The following GFRA2 variants were observed in gnomAD, a reference collection of about 807,000 sequenced individuals.
GFRA2 encodes GDNF family receptor alpha 2.
GFRA2 carries 17 observed loss-of-function variants against 48.3 expected under a neutral mutation model. The observed-to-expected ratio is 0.35, with a 90% confidence interval of 0.24 to 0.53. The LOEUF (loss-of-function observed/expected upper bound fraction) is 0.53, where lower values mean the gene tolerates loss of function less well. Ranked by LOEUF, GFRA2 falls within the 20% of genes least tolerant of loss-of-function variation. The probability of loss-of-function intolerance (pLI) is 0.93; values close to 1 mark genes in which losing one functional copy is unlikely to be tolerated. For synonymous variants in GFRA2, 305 were observed against 257.2 expected (o/e 1.19, Z -1.78); for missense variants, 660 against 637.3 (o/e 1.04, Z -0.38).
At chr8:21,748,674 T>A (rs1206309753) in intron 4 of GFRA2, among the ~76,000 whole-genome samples, 1 of 152,212 alleles carries the variant, frequency 6.6e-6, no homozygotes, top group African/African-American at 2.4e-5. Context: ...TGTTTCCTCA[T>A]TGACAGATAA....
rs1463865552 is a variant in GFRA2 at position 21,782,314 on chromosome 8, G to A, written c.355+271C>T. On this transcript the variant is annotated intron_variant, in intron 2 of 8. Coordinates refer to ENST00000524240, the MANE Select transcript of GFRA2 (RefSeq NM_001495.5). ...CCCCACTCACCCCCCTTCCTCCAGC[G>A]CCTGTTCTCCTCCTCCCACCACCTC... Among the ~76,000 whole-genome samples the A allele has an allele frequency of 2.0e-4, 20 of 102,060 alleles. No individual in the cohort carries two copies. The South Asian group carries it at 3.3e-3, about 17-fold the overall frequency. The allele number at this position is 102,060 out of a possible 152,430, so 67.0% of individuals were successfully genotyped here.
chr8:21,741,885 G>A (rs1001544449), intron 4 of GFRA2, among the ~76,000 whole-genome samples: 4 of 148,434 alleles, frequency 2.7e-5, no homozygotes, highest in African/African-American at 1.0e-4. Flanking sequence ...TCATGCCACT[G>A]CACCCAGCCT....
chr8:21,703,006 G>C, intron 6 of GFRA2, 29 bp from the exon 7 acceptor site: 1 of 1,447,536 alleles, frequency 6.9e-7, no homozygotes, highest in Non-Finnish European at 9.2e-7. Context: ...CAGATGCAGA[G>C]AAGTCAGAAC....
intron 4 of GFRA2, among the ~76,000 whole-genome samples, chr8:21,725,841 A>G (rs1021553595): frequency 1.3e-5 from 2 of 152,206 alleles, no homozygotes; most frequent in Non-Finnish European, 2.9e-5. Flanking sequence ...CTGCTGTTCC[A>G]ACATGCATCC....
upstream of GFRA2, among the ~76,000 whole-genome samples, chr8:21,792,164 T>C (rs1243580809): frequency 1.2e-4 from 18 of 152,208 alleles, no homozygotes; most frequent in Non-Finnish European, 2.4e-4. Flanking sequence ...GTGGGTTCTC[T>C]GGATAGCAGG....
chr8:21,805,723 T>C (rs989506498), intron 1 of GFRA2, among the ~76,000 whole-genome samples: 6 of 152,208 alleles, frequency 3.9e-5, no homozygotes, highest in Non-Finnish European at 4.4e-5. Flanking sequence ...AAACTGCAGC[T>C]GCCACTCCAA....
chr8:21,698,493 G>C (rs1341715362), intron 7 of GFRA2, among the ~76,000 whole-genome samples: 1 of 152,116 alleles, frequency 6.6e-6, no homozygotes, highest in Non-Finnish European at 1.5e-5. Context: ...AGCCTCGCTG[G>C]TCTGGCCCAG....
intron 4 of GFRA2, among the ~76,000 whole-genome samples, chr8:21,727,806 C>T (rs62492250): frequency 0.12 from 18,218 of 152,258 alleles, 1,127 homozygotes; most frequent in South Asian, 0.18. Flanking sequence ...TGTCCAGGGA[C>T]TGTCTGGATT....
intron 3 of GFRA2, among the ~76,000 whole-genome samples, chr8:21,767,883 C>T (rs1416311016): frequency 1.3e-5 from 2 of 152,236 alleles, no homozygotes; most frequent in African/African-American, 4.8e-5. Flanking sequence ...GATGAAGTCA[C>T]CAACACCCTG....
intron 3 of GFRA2, 83 bp downstream of exon 3, chr8:21,774,889 T>C: frequency 5.3e-6 from 4 of 760,178 alleles, no homozygotes; most frequent in East Asian, 2.5e-5. Flanking sequence ...GACGCCAGGA[T>C]GCCTGTCCAA....
intron 3 of GFRA2, among the ~76,000 whole-genome samples, chr8:21,752,195 C>T (rs922397169): frequency 3.3e-5 from 5 of 152,220 alleles, no homozygotes; most frequent in South Asian, 2.1e-4. Context: ...AAGACCTCCT[C>T]GTGACCACAC....
At chr8:21,767,820 C>T (rs1397139590) in intron 3 of GFRA2, among the ~76,000 whole-genome samples, 4 of 152,218 alleles carry the variant, frequency 2.6e-5, no homozygotes, top group Non-Finnish European at 5.9e-5. Context: ...AAATTTTGTT[C>T]CCTCCTCGTC....
intron 4 of GFRA2, among the ~76,000 whole-genome samples, chr8:21,725,022 C>G (rs1157258134): frequency 1.3e-5 from 2 of 152,218 alleles, no homozygotes; most frequent in African/African-American, 4.8e-5. Context: ...CTCCTACTCA[C>G]CTCACACTGC....
chr8:21,788,825 C>G lies in GFRA2; in HGVS notation c.-666G>C. The G allele has an allele frequency of 1.0e-6, 1 of 981,832 alleles. No homozygotes were observed. Among genetic ancestry groups the G allele is most frequent in the Non-Finnish European group, 1.2e-6 (1 of 826,618 alleles). 60.8% of individuals were successfully genotyped at this position (981,832 alleles called of 1,614,324 possible). A position where few individuals can be genotyped will look rare whatever the true frequency, so the allele number is the denominator to read the frequency against. ...GCGTGTGTCTTTCTCTCTCCTCTCTCTCTCTCTCCTCTCCCTCGCTCGCTC... is the reference window on the plus strand; with the variant it reads ...GCGTGTGTCTTTCTCTCTCCTCTCTGTCTCTCTCCTCTCCCTCGCTCGCTC... On this transcript the variant is annotated 5_prime_UTR_variant, in exon 1 of 9. Transcript: ENST00000524240.
chr8:21,784,257 CT>C (rs1807157770), intron 1 of GFRA2: 1 of 455,778 alleles, frequency 2.2e-6, no homozygotes. Context: ...CCCAGTCCCC[CT>C]GTCCTCTGAT....
intron 3 of GFRA2, among the ~76,000 whole-genome samples, chr8:21,754,505 C>CTTTTTTTTTTTTT (rs59344047): frequency 7.4e-5 from 9 of 121,222 alleles, no homozygotes; most frequent in East Asian, 2.5e-4. Flanking sequence ...CTTTTTTTTT[C>CTTTTTTTTTTTTT]TTTTTTTTTT....
intron 4 of GFRA2, among the ~76,000 whole-genome samples, chr8:21,733,897 C>G (rs750705852): frequency 6.6e-6 from 1 of 152,070 alleles, no homozygotes; most frequent in African/African-American, 2.4e-5. Flanking sequence ...CCCCAGGCTC[C>G]GACAAAAGAA....
chr8:21,761,189 T>C (rs139662707), intron 3 of GFRA2, among the ~76,000 whole-genome samples: 2 of 152,172 alleles, frequency 1.3e-5, no homozygotes, highest in East Asian at 1.9e-4. Context: ...ACACTTCACG[T>C]TGGATCTCCT....
Position 21,788,530 on chromosome 8 carries a change from G to C in GFRA2, c.-371C>G. The C allele has an allele frequency of 9.7e-7, 1 of 1,033,046 alleles. No homozygotes were observed. The highest frequency in any genetic ancestry group is 1.2e-6 in the Non-Finnish European group (1 of 861,846). 64.0% of individuals were successfully genotyped at this position (1,033,046 alleles called of 1,614,324 possible). A position where few individuals can be genotyped will look rare whatever the true frequency, so the allele number is the denominator to read the frequency against. ...AATTCCCCTGCGCTTCCCAGGAGGGGCCTGGGGAGGTGGGGAGAGAGGCGA... is the reference window on the plus strand; with the variant it reads ...AATTCCCCTGCGCTTCCCAGGAGGGCCCTGGGGAGGTGGGGAGAGAGGCGA... On this transcript the variant is annotated 5_prime_UTR_variant, in exon 1 of 9. Coordinates refer to ENST00000524240, the MANE Select transcript of GFRA2 (RefSeq NM_001495.5).
Sources: gnomAD v4.1 joint callset for allele counts (sites outside exome capture counted in the v4.1 genomes callset) on GRCh38, gnomAD v4.1.1 for gene constraint, MANE v1.5 for transcripts, NCBI Gene and HGNC (gene_info 2026-07-23, HGNC 2026-07-21) for gene names.